The following CIITA variants were observed in gnomAD, a reference collection of about 807,000 sequenced individuals.
The protein encoded by CIITA is class II major histocompatibility complex transactivator, also known as MHC class II transactivator.
CIITA carries 72 observed loss-of-function variants against 115.1 expected under a neutral mutation model. The observed-to-expected ratio is 0.63, with a 90% CI of 0.52 to 0.76. The LOEUF is 0.76. Among genes scored for constraint, CIITA ranks in the 30% least tolerant of loss-of-function variants. The probability of loss-of-function intolerance (pLI) is 0.00; values close to 1 mark genes in which losing one functional copy is unlikely to be tolerated. For synonymous variants in CIITA, 763 were observed against 635.6 expected (o/e 1.20, Z -3.02); for missense variants, 1,617 against 1,463.8 (o/e 1.10, Z -1.71).
At chr16:10,884,321 G>T (rs956507312) in intron 1 of CIITA, among the ~76,000 whole-genome samples, 1 of 152,202 alleles carries the variant, frequency 6.6e-6, no homozygotes, top group Non-Finnish European at 1.5e-5. Context: ...TGCTGGAATT[G>T]GGATGGCAAA....
At chr16:10,893,283 C>G (rs1309958907) in intron 1 of CIITA, among the ~76,000 whole-genome samples, 1 of 152,114 alleles carries the variant, frequency 6.6e-6, no homozygotes, top group Non-Finnish European at 1.5e-5. Context: ...CTTGTTTCAG[C>G]AGCCCTGGGA....
chr16:10,910,200 C>T lies in CIITA; in HGVS notation c.2829C>T (p.Ser943=). The part of the protein sequence containing the change: ...KLVQTQRTRS[S]SEDTAGELPA... ...CTGTTCTCTCCAGGACGAGAAGTTC[C>T]TCGGAAGACACAGCTGGGGAGCTCC... Residue 943 remains serine (S), a synonymous_variant, in exon 13 of 20, where the codon TCC becomes TCT. Transcript: ENST00000324288. 6.2e-7 allele frequency: 1 copy of T among 1,614,056 alleles called. No individual in the cohort carries two copies. Among genetic ancestry groups the T allele is most frequent in the South Asian group, 1.1e-5 (1 of 91,046 alleles).
intron 15 of CIITA, among the ~76,000 whole-genome samples, chr16:10,917,564 T>C (rs1482681234): frequency 6.6e-6 from 1 of 151,462 alleles, no homozygotes; most frequent in African/African-American, 2.4e-5. Context: ...ATTGCAAACT[T>C]CACCTCCTGG....
At chr16:10,909,208 G>A (rs753140318) in intron 12 of CIITA, 21 bp downstream of exon 12, 4 of 1,613,382 alleles carry the variant, frequency 2.5e-6, no homozygotes, top group East Asian at 2.2e-5. Flanking sequence ...AGGCGGATGG[G>A]AGGTGGTTCA....
intron 16 of CIITA, among the ~76,000 whole-genome samples, chr16:10,921,631 A>G (rs2040277081): frequency 6.6e-6 from 1 of 152,228 alleles, no homozygotes; most frequent in African/African-American, 2.4e-5. Context: ...AAGGTCACAT[A>G]GGCAGTAAGA....
rs978815207 is a variant in CIITA at position 10,925,469 on chromosome 16, G to A, written c.*1614G>A. On this transcript the variant is annotated 3_prime_UTR_variant, in exon 20 of 20. Coordinates refer to ENST00000324288, the MANE Select transcript of CIITA (RefSeq NM_000246.4). ...CTACAGGTGTGAGTCACCAAGCCCAGTTAATCTTTAGTTTTATTTTTGTAG... is the reference window on the plus strand; with the variant it reads ...CTACAGGTGTGAGTCACCAAGCCCAATTAATCTTTAGTTTTATTTTTGTAG... The A allele has an allele frequency of 6.6e-6, 1 of 152,286 alleles. No homozygotes were observed. Among genetic ancestry groups the A allele is most frequent in the Non-Finnish European group, 1.5e-5 (1 of 68,098 alleles). The allele number at this position is 152,286 out of a possible 1,614,324, so 9.4% of individuals were successfully genotyped here.
upstream of CIITA, among the ~76,000 whole-genome samples, chr16:10,872,491 A>C (rs929924332): frequency 1.3e-5 from 2 of 152,136 alleles, no homozygotes; most frequent in African/African-American, 4.8e-5. Context: ...CTACATACTT[A>C]TACACTTATT....
In CIITA at chr16:10,903,881, G is replaced by A. The variant is rs780678285; in HGVS notation, c.923G>A (p.Arg308Gln). ...ATGCCTGAACCTGCCCTGACCTCCC[G>A]AGCAAACATGACAGGTAAGGACCCT... The part of the protein sequence containing the change: ...PSMPEPALTS[R>Q]ANMTEHKTSP... Residue 308 changes from arginine (R) to glutamine (Q), a missense_variant, in exon 9 of 20, where the codon CGA becomes CAA. Coordinates refer to ENST00000324288, the MANE Select transcript of CIITA (RefSeq NM_000246.4). 4.3e-5 allele frequency: 69 copies of A among 1,614,026 alleles called. No individual in the cohort carries two copies. The highest frequency in any genetic ancestry group is 5.3e-5 in the Non-Finnish European group (63 of 1,180,028).
At chr16:10,905,362 C>T (rs1432323659) in intron 10 of CIITA, among the ~76,000 whole-genome samples, 3 of 152,188 alleles carry the variant, frequency 2.0e-5, no homozygotes, top group African/African-American at 7.2e-5. Flanking sequence ...TGAACCCAGA[C>T]ACGTGGGCTC....
At position 10,895,336 on chromosome 16, in the gene CIITA, A is replaced by G. The variant is rs1051877247; in HGVS notation, c.107A>G (p.Glu36Gly). 1.2e-6 allele frequency: 2 copies of G among 1,613,994 alleles called. No homozygotes were observed. The highest frequency in any genetic ancestry group is 1.7e-6 in the Non-Finnish European group (2 of 1,180,006). The change falls in exon 2 of 20, where the codon GAG becomes GGG. Residue 36 changes from glutamate (E) to glycine (G), a missense_variant. Physicochemically the swap from Glu to Gly is moderately conservative, Grantham distance 98 (BLOSUM62 -2). Coordinates refer to ENST00000324288, the MANE Select transcript of CIITA (RefSeq NM_000246.4). ...GGGCCCCTAGAAGGTGGCTACCTGG[A>G]GCTTCTTAACAGCGATGCTGACCCC... ...ELGPLEGGYLELLNSDADPLC... is the reference protein window; with the variant it reads ...ELGPLEGGYLGLLNSDADPLC...
chr16:10,897,738 T>C (rs897137544), intron 3 of CIITA, among the ~76,000 whole-genome samples: 3 of 152,256 alleles, frequency 2.0e-5, no homozygotes, highest in South Asian at 4.1e-4. Flanking sequence ...AAAAGGAATT[T>C]GCACAGAGTA....
rs757017931 is a variant in CIITA at position 10,898,970 on chromosome 16, C to T, written c.404C>T (p.Pro135Leu). 5.0e-6 allele frequency: 8 copies of T among 1,613,860 alleles called. No homozygotes were observed. The highest frequency in any genetic ancestry group is 4.4e-5 in the South Asian group (4 of 91,076). ...DEVIGESMEM[P>L]AEVGQKSQKR... ...GTGATCGGTGAGAGTATGGAGATGCCAGCAGAAGTTGGGCAGAAAAGTCAG... is the reference window on the plus strand; with the variant it reads ...GTGATCGGTGAGAGTATGGAGATGCTAGCAGAAGTTGGGCAGAAAAGTCAG... The change falls in exon 5 of 20, where the codon CCA becomes CTA. Residue 135 changes from proline (P) to leucine (L), a missense_variant. Pro to Leu is a moderately conservative substitution (Grantham distance 98). Coordinates refer to ENST00000324288, the MANE Select transcript of CIITA (RefSeq NM_000246.4).
chr16:10,935,485 G>A lies in CIITA; in HGVS notation c.*11630G>A, dbSNP rs1175526384. ...GTTTTTATCCATGCCAAGCGATGAT[G>A]ATTTTCTCTTTAGTGACAGACATTT... On this transcript the variant is annotated 3_prime_UTR_variant, in exon 20 of 20. Coordinates refer to ENST00000324288, the MANE Select transcript of CIITA (RefSeq NM_000246.4). The A allele has an allele frequency of 6.6e-6, 1 of 152,206 alleles. No homozygotes were observed. Among genetic ancestry groups the A allele is most frequent in the Non-Finnish European group, 1.5e-5 (1 of 68,034 alleles). 9.4% of individuals were successfully genotyped at this position (152,206 alleles called of 1,614,324 possible). A position where few individuals can be genotyped will look rare whatever the true frequency, so the allele number is the denominator to read the frequency against.
chr16:10,942,294 T>A lies in CIITA; in HGVS notation n.1420T>A. ...GCCCGGCTCCCTCGTGGCGCCTCCC[T>A]GGCGCTCGCAGGGCCTCGCAGAGCC... is the stretch of plus-strand genomic sequence containing the variant. On this transcript the variant is annotated non_coding_transcript_exon_variant, in exon 2 of 2. Transcript: ENST00000573379. The surrounding 1 kb of genome is among the most constrained non-coding windows in gnomAD (Gnocchi z 5.0). 3.3e-6 allele frequency: 1 copy of A among 303,248 alleles called. No individual in the cohort carries two copies. Among genetic ancestry groups the A allele is most frequent in the Non-Finnish European group, 6.1e-6 (1 of 163,252 alleles). The allele number at this position is 303,248 out of a possible 1,614,324, so 18.8% of individuals were successfully genotyped here.
rs1313667511 is a variant in CIITA at position 10,932,988 on chromosome 16, C to T, written c.*9133C>T. 1 of 152,166 alleles carries T rather than the reference C, an allele frequency of 6.6e-6. No individual in the cohort carries two copies. The highest frequency in any genetic ancestry group is 6.5e-5 in the Admixed American group (1 of 15,274). The allele number at this position is 152,166 out of a possible 1,614,324, so 9.4% of individuals were successfully genotyped here. Reference sequence around the variant, plus strand: ...CCTGAGCTGTATGCAGCCTACAGGCCGCACCACGGATTGAACAAGTTTCTT... The same window carrying T: ...CCTGAGCTGTATGCAGCCTACAGGCTGCACCACGGATTGAACAAGTTTCTT... On this transcript the variant is annotated 3_prime_UTR_variant, in exon 20 of 20. Transcript: ENST00000324288.
chr16:10,887,054 G>A (rs953280135), intron 1 of CIITA, among the ~76,000 whole-genome samples: 3 of 152,180 alleles, frequency 2.0e-5, no homozygotes, highest in African/African-American at 7.2e-5. Context: ...AGTGAGAGAT[G>A]TTTCTTAGAG....
Position 10,879,483 on chromosome 16 carries a change from T to C in CIITA, c.52+2101T>C, listed in dbSNP as rs2143561069. Among the ~76,000 whole-genome samples, 1 of 152,314 alleles carries C rather than the reference T, an allele frequency of 6.6e-6. No homozygotes were observed. The highest frequency in any genetic ancestry group is 2.4e-5 in the African/African-American group (1 of 41,568). On this transcript the variant is annotated intron_variant, in intron 1 of 19. Coordinates refer to ENST00000324288, the MANE Select transcript of CIITA (RefSeq NM_000246.4). The surrounding 1 kb of genome is among the most constrained non-coding windows in gnomAD (Gnocchi z 4.3). ...CTTCACTTTCCCTGTTGGGTCATAT[T>C]CCATCTCTAACTCTGGAATCTTGGG... is the stretch of plus-strand genomic sequence containing the variant.
intron 1 of CIITA, among the ~76,000 whole-genome samples, chr16:10,891,358 C>G (rs1470384683): frequency 6.6e-6 from 1 of 152,072 alleles, no homozygotes; most frequent in Non-Finnish European, 1.5e-5. Flanking sequence ...GGGTCTCAGT[C>G]TTGTCATCTG....
chr16:10,908,414 C>G lies in CIITA; in HGVS notation c.2657+265C>G, dbSNP rs955032177. 2.8e-5 allele frequency: 17 copies of G among 599,944 alleles called. No homozygotes were observed. In the African/African-American group the frequency reaches 2.9e-4, roughly 10 times the overall value. 37.2% of individuals were successfully genotyped at this position (599,944 alleles called of 1,614,324 possible). A position where few individuals can be genotyped will look rare whatever the true frequency, so the allele number is the denominator to read the frequency against. ...CCAGTCACTGGGGTATGTCTAGAAT[C>G]TGAGACTGACCTGGGCTCAAATTTG... On this transcript the variant is annotated intron_variant, in intron 11 of 19. Transcript: ENST00000324288.
Sources: gnomAD v4.1 joint callset for allele counts (sites outside exome capture counted in the v4.1 genomes callset) on GRCh38, gnomAD v4.1.1 for gene constraint, Gnocchi (gnomAD v3.1) non-coding constraint, MANE v1.5 for transcripts, NCBI Gene and HGNC (gene_info 2026-07-23, HGNC 2026-07-21) for gene names.